Variants in SMURF1 observed in about 807,000 individuals in gnomAD.
The protein encoded by SMURF1 is E3 ubiquitin-protein ligase SMURF1.
SMURF1 carries 44 observed loss-of-function variants against 98.0 expected under a neutral mutation model. The observed-to-expected ratio is 0.45, with a 90% CI of 0.35 to 0.58. The LOEUF is 0.58. Among genes scored for constraint, SMURF1 ranks in the 20% least tolerant of loss-of-function variants. The pLI, the probability that SMURF1 is intolerant of heterozygous loss-of-function variation, is 0.00. For missense variants in SMURF1, 687 were observed against 938.4 expected (o/e 0.73, Z 3.50); for synonymous variants, 396 against 374.9 (o/e 1.06, Z -0.65).
At chr7:99,040,291 A>ACACG in intron 13 of SMURF1, 87 bp downstream of exon 13, 3 of 1,255,006 alleles carry the variant, frequency 2.4e-6, no homozygotes, top group Non-Finnish European at 3.1e-6. Flanking sequence ...AAATACACAC[A>ACACG]CACGCGCGCG....
intron 1 of SMURF1, among the ~76,000 whole-genome samples, chr7:99,066,001 G>A (rs1033682910): frequency 5.3e-5 from 8 of 150,796 alleles, no homozygotes; most frequent in South Asian, 4.2e-4. Context: ...AACTGAGATC[G>A]CGCCACTGTA....
chr7:99,077,983 A>G (rs1235184783), intron 1 of SMURF1, among the ~76,000 whole-genome samples: 1 of 152,094 alleles, frequency 6.6e-6, no homozygotes, highest in Non-Finnish European at 1.5e-5. Flanking sequence ...GTGGCTTTTC[A>G]TGTCTTTATT....
intron 1 of SMURF1, among the ~76,000 whole-genome samples, chr7:99,116,367 A>C (rs1374654829): frequency 6.6e-6 from 1 of 152,314 alleles, no homozygotes; most frequent in Non-Finnish European, 1.5e-5. Flanking sequence ...TAACAGGAAC[A>C]AGACTAGACT....
chr7:99,060,050 A>C (rs990348777), intron 3 of SMURF1, among the ~76,000 whole-genome samples: 1 of 152,078 alleles, frequency 6.6e-6, no homozygotes, highest in Non-Finnish European at 1.5e-5. Context: ...TTTGAGGATC[A>C]CATGTACAAA....
Position 99,041,295 on chromosome 7 carries a change from G to A in SMURF1, c.1372-739C>T, listed in dbSNP as rs554311980. 2.8e-3 allele frequency among the ~76,000 whole-genome samples: 422 copies of A among 152,166 alleles called. 2 individuals are homozygous for A. Among genetic ancestry groups the A allele is most frequent in the African/African-American group, 9.6e-3 (400 of 41,512 alleles). ...CAGGGGTCTGTGATCCCAGCTACTC[G>A]GGAGGCTGAGGCAGGAGAATCGCTT... On this transcript the variant is annotated intron_variant, in intron 12 of 17. Coordinates refer to ENST00000361368, the MANE Select transcript of SMURF1 (RefSeq NM_181349.3).
At chr7:99,052,154 T>G in intron 7 of SMURF1, 51 bp downstream of exon 7, 1 of 1,447,470 alleles carries the variant, frequency 6.9e-7, no homozygotes, top group South Asian at 1.6e-5. Context: ...AAAAGTCAAC[T>G]CATGGAAACA....
intron 1 of SMURF1, among the ~76,000 whole-genome samples, chr7:99,131,018 T>C (rs1797860807): frequency 6.6e-6 from 1 of 152,154 alleles, no homozygotes; most frequent in African/African-American, 2.4e-5. Flanking sequence ...GATTTAAAGC[T>C]GCAAGCAAAC....
At chr7:99,131,761 A>G (rs746159714) in intron 1 of SMURF1, among the ~76,000 whole-genome samples, 17 of 152,206 alleles carry the variant, frequency 1.1e-4, no homozygotes, top group Non-Finnish European at 2.2e-4. Flanking sequence ...CCTTTCTGCT[A>G]CAAAATGCAA....
intron 6 of SMURF1, among the ~76,000 whole-genome samples, chr7:99,054,221 A>G (rs1369225662): frequency 6.6e-6 from 1 of 151,474 alleles, no homozygotes; most frequent in East Asian, 2.0e-4. Flanking sequence ...ACAGGCAGTT[A>G]TAATTCTTAT....
chr7:99,049,236 C>T lies in SMURF1; in HGVS notation c.953+327G>A, dbSNP rs1262998116. 1.7e-5 allele frequency: 5 copies of T among 288,068 alleles called. No homozygotes were observed. The East Asian group carries it at 3.8e-4, about 22-fold the overall frequency. 17.8% of individuals were successfully genotyped at this position (288,068 alleles called of 1,614,324 possible). ...CAGGCACTAGGGGGATAGCACGTAT[C>T]TCTACTTCTCAACCTAAGGGCCACG... On this transcript the variant is annotated intron_variant, in intron 9 of 17. Coordinates refer to ENST00000361368, the MANE Select transcript of SMURF1 (RefSeq NM_181349.3).
intron 1 of SMURF1, among the ~76,000 whole-genome samples, chr7:99,124,945 C>T (rs1041664927): frequency 2.2e-4 from 33 of 152,210 alleles, no homozygotes; most frequent in Non-Finnish European, 7.3e-5. Context: ...ACTTAGTAAC[C>T]ATGTACAGAA....
At chr7:99,098,448 G>A (rs1797001321) in intron 1 of SMURF1, among the ~76,000 whole-genome samples, 1 of 152,158 alleles carries the variant, frequency 6.6e-6, no homozygotes, top group African/African-American at 2.4e-5. Context: ...AGACAGAATG[G>A]TCTCACAGTG....
chr7:99,091,404 T>C (rs1377717757), intron 1 of SMURF1, among the ~76,000 whole-genome samples: 1 of 152,196 alleles, frequency 6.6e-6, no homozygotes, highest in Non-Finnish European at 1.5e-5. Flanking sequence ...AACAAATATG[T>C]GCAGAATAAC....
In SMURF1 at chr7:99,035,540, C is replaced by T. The variant is rs763596937; in HGVS notation, c.1986G>A (p.Pro662=). 4.3e-6 allele frequency: 7 copies of T among 1,614,082 alleles called. No homozygotes were observed. The highest frequency in any genetic ancestry group is 2.2e-5 in the South Asian group (2 of 91,084). The change falls in exon 16 of 18, where the codon CCG becomes CCA. Residue 662 remains proline (P), a synonymous_variant. Coordinates refer to ENST00000361368, the MANE Select transcript of SMURF1 (RefSeq NM_181349.3). ...CTTGCAAAGCCTTGAAGCCTTGGAG[C>T]GGGACTCGCGTGGACCCAGTCACAA... ...LQFVTGSTRV[P]LQGFKALQGS...
intron 1 of SMURF1, among the ~76,000 whole-genome samples, chr7:99,131,308 A>T (rs147196430): frequency 1.6e-4 from 24 of 152,328 alleles, no homozygotes; most frequent in Admixed American, 9.8e-4. Context: ...TGAAGAAAGG[A>T]GGCAGGGTGA....
chr7:99,057,752 C>T (rs561218697), intron 3 of SMURF1, among the ~76,000 whole-genome samples: 94 of 152,184 alleles, frequency 6.2e-4, no homozygotes, highest in Non-Finnish European at 1.2e-3. Context: ...CGTGCATCAC[C>T]ATGCCTGGCT....
At chr7:99,054,541 C>T (rs746880781) in intron 6 of SMURF1, among the ~76,000 whole-genome samples, 1 of 151,620 alleles carries the variant, frequency 6.6e-6, no homozygotes, top group Non-Finnish European at 1.5e-5. Context: ...CTCCTGACCT[C>T]GTGATCCACC....
intron 1 of SMURF1, among the ~76,000 whole-genome samples, chr7:99,095,380 T>C (rs1161647810): frequency 2.0e-5 from 3 of 152,172 alleles, no homozygotes; most frequent in African/African-American, 7.2e-5. Flanking sequence ...GCAGGCGGAC[T>C]GTTTTTTTGT....
intron 15 of SMURF1, chr7:99,036,477 C>CAAA (rs11341707): frequency 1.6e-4 from 12 of 73,954 alleles, no homozygotes; most frequent in African/African-American, 4.4e-4. Flanking sequence ...GACCGTGTCT[C>CAAA]AAAAAAAAAA....
Sources: allele counts gnomAD v4.1 joint callset (sites outside exome capture counted in the v4.1 genomes callset), GRCh38; gene constraint gnomAD v4.1.1; transcripts MANE v1.5; gene names NCBI Gene and HGNC (gene_info 2026-07-23, HGNC 2026-07-21).